Variants in EBF3 observed in about 807,000 individuals in gnomAD.
EBF3 encodes the protein transcription factor COE3.
Under a neutral mutation model 77.1 loss-of-function variants are expected in EBF3, and 18 were observed. The ratio of observed to expected loss-of-function variants is 0.23; its 90% CI spans 0.16 to 0.35. The LOEUF (loss-of-function observed/expected upper bound fraction) is 0.35. Among genes scored for constraint, EBF3 ranks in the 10% least tolerant of loss-of-function variants. The pLI is 1.00. For missense variants in EBF3, 558 were observed against 860.0 expected, an observed-to-expected ratio of 0.65 and a Z score of 4.39; for synonymous variants, 350 against 343.5, an observed-to-expected ratio of 1.02 and a Z score of -0.21.
intron 6 of EBF3, among the ~76,000 whole-genome samples, chr10:129,913,875 AAAGCT>A (rs996692653): frequency 1.3e-5 from 2 of 152,212 alleles, no homozygotes; most frequent in Non-Finnish European, 1.5e-5. Context: ...CTCTTCCCCA[AAAGCT>A]AAGCTGAGTG....
At chr10:129,867,313 G>A in intron 9 of EBF3, 46 bp from the exon 10 acceptor site, 1 of 1,609,254 alleles carries the variant, frequency 6.2e-7, no homozygotes, top group South Asian at 1.1e-5. Context: ...CGCTGGCTAT[G>A]AGAGGCGGAC....
intron 6 of EBF3, 130 bp from the exon 7 acceptor site, chr10:129,877,979 G>T: frequency 1.4e-6 from 1 of 691,742 alleles, no homozygotes; most frequent in Non-Finnish European, 2.4e-6. Flanking sequence ...CCTCTAGGGG[G>T]CGACATTGAG....
chr10:129,957,815 CTTCT>C lies in EBF3; in HGVS notation c.486-493_486-490del, dbSNP rs552686026. ...CATCTATCACAAACTTCTATTGTTC[CTTCT>C]TTAAGCCTACCTTAACTCTGTTATT... On this transcript the variant is annotated intron_variant, in intron 5 of 16. Transcript: ENST00000440978. Among the ~76,000 whole-genome samples the C allele has an allele frequency of 1.2e-4, 19 of 152,318 alleles. No homozygotes were observed. In the South Asian group the frequency reaches 2.5e-3, roughly 20 times the overall value.
intron 6 of EBF3, among the ~76,000 whole-genome samples, chr10:129,919,397 G>A (rs1043022859): frequency 1.3e-5 from 2 of 152,072 alleles, no homozygotes; most frequent in Admixed American, 6.5e-5. Context: ...GAATAAGGCT[G>A]GGGAAGGTGA....
intron 10 of EBF3, among the ~76,000 whole-genome samples, chr10:129,849,653 T>C (rs1406936980): frequency 6.6e-6 from 1 of 152,238 alleles, no homozygotes; most frequent in African/African-American, 2.4e-5. Flanking sequence ...CACTCAATAA[T>C]GCGCCCGAAA....
chr10:129,908,734 T>C (rs1184609272), intron 6 of EBF3, among the ~76,000 whole-genome samples: 2 of 152,240 alleles, frequency 1.3e-5, no homozygotes, highest in Admixed American at 1.3e-4. Context: ...ACAGGCCAGC[T>C]ATGCACACAT....
In EBF3 at chr10:129,841,590, C is replaced by T. The variant is rs183675138; in HGVS notation, c.1372+526G>A. Among the ~76,000 whole-genome samples, 9 of 152,256 alleles carry T rather than the reference C, an allele frequency of 5.9e-5. No individual in the cohort carries two copies. Among genetic ancestry groups the T allele is most frequent in the South Asian group, 2.1e-4 (1 of 4,822 alleles). On this transcript the variant is annotated intron_variant, in intron 13 of 16. Transcript: ENST00000440978. The surrounding 1 kb of genome is among the most constrained non-coding windows in gnomAD (Gnocchi z 4.6). ...GTGTTTTCTAAGATCACTGCCTGCG[C>T]GCTTTTCAATGAAGAAAACTAAAAT...
At chr10:129,896,738 A>G (rs757346783) in intron 6 of EBF3, among the ~76,000 whole-genome samples, 1 of 152,208 alleles carries the variant, frequency 6.6e-6, no homozygotes, top group Non-Finnish European at 1.5e-5. Flanking sequence ...GTCTCAGAGA[A>G]TGAGAAAAAT....
Position 129,943,915 on chromosome 10 carries a change from G to A in EBF3, c.554+13343C>T, listed in dbSNP as rs369550203. On this transcript the variant is annotated intron_variant, in intron 6 of 16. Coordinates refer to ENST00000440978, the MANE Select transcript of EBF3 (RefSeq NM_001375380.1). This position sits in a 1 kb window ranked among gnomAD's most constrained non-coding sequence, Gnocchi z 8.8. Reference sequence around the variant, plus strand: ...ACCCAGCTGAAACCGTAAAATGCTCGGTAAAACCAGTCGCTCTGAGGGTGC... The same window carrying A: ...ACCCAGCTGAAACCGTAAAATGCTCAGTAAAACCAGTCGCTCTGAGGGTGC... 4.5e-4 allele frequency among the ~76,000 whole-genome samples: 68 copies of A among 152,298 alleles called. No homozygotes were observed. The South Asian group carries it at 4.6e-3, about 10-fold the overall frequency.
chr10:129,962,422 C>A (rs1291179133), intron 3 of EBF3, among the ~76,000 whole-genome samples, 196 bp from the exon 4 acceptor site: 1 of 151,906 alleles, frequency 6.6e-6, no homozygotes, highest in Non-Finnish European at 1.5e-5. Context: ...TAACTAAGAA[C>A]CTTAAGGCTC....
intron 6 of EBF3, among the ~76,000 whole-genome samples, chr10:129,895,629 G>A (rs1374985542): frequency 1.3e-5 from 2 of 152,244 alleles, no homozygotes; most frequent in Non-Finnish European, 2.9e-5. Context: ...GAGGAGTCCT[G>A]AGGACCCTGG....
At chr10:129,928,695 A>C (rs764532409) in intron 6 of EBF3, among the ~76,000 whole-genome samples, 5 of 152,196 alleles carry the variant, frequency 3.3e-5, no homozygotes, top group Admixed American at 1.3e-4. Flanking sequence ...ACATTTTGGC[A>C]ATTGCTTCCT....
At chr10:129,874,156 GA>G (rs1472381298) in intron 7 of EBF3, among the ~76,000 whole-genome samples, 1 of 152,058 alleles carries the variant, frequency 6.6e-6, no homozygotes, top group Non-Finnish European at 1.5e-5. Flanking sequence ...TTTTTCATCT[GA>G]AAAGACTGAG....
chr10:129,852,282 A>C (rs1195472023), intron 10 of EBF3, among the ~76,000 whole-genome samples: 1 of 152,230 alleles, frequency 6.6e-6, no homozygotes, highest in Non-Finnish European at 1.5e-5. Flanking sequence ...CAGAAGAAGC[A>C]TTCTAAATAT....
chr10:129,954,419 CCCCT>C (rs1044137391), intron 6 of EBF3, among the ~76,000 whole-genome samples: 5 of 148,124 alleles, frequency 3.4e-5, no homozygotes, highest in Non-Finnish European at 7.4e-5. Context: ...ACTTCCCCCC[CCCCT>C]TTTTTTTTCT....
At chr10:129,925,896 A>T (rs572576207) in intron 6 of EBF3, among the ~76,000 whole-genome samples, 6 of 152,298 alleles carry the variant, frequency 3.9e-5, no homozygotes, top group Non-Finnish European at 8.8e-5. Context: ...AATCCAGGAC[A>T]GTTAGGAAAG....
chr10:129,937,582 C>T (rs566060158), intron 6 of EBF3, among the ~76,000 whole-genome samples: 9 of 152,336 alleles, frequency 5.9e-5, no homozygotes, highest in Non-Finnish European at 1.0e-4. Flanking sequence ...CAAGGGCTTA[C>T]GAGCTCAGCC....
chr10:129,843,963 T>A (rs370166946), intron 11 of EBF3, among the ~76,000 whole-genome samples: 7 of 152,346 alleles, frequency 4.6e-5, no homozygotes, highest in South Asian at 4.1e-4. Context: ...AGAGTTTAGT[T>A]AATTTTAAAT....
intron 11 of EBF3, among the ~76,000 whole-genome samples, chr10:129,843,910 G>A (rs575027746): frequency 2.6e-5 from 4 of 152,330 alleles, no homozygotes; most frequent in East Asian, 1.9e-4. Context: ...TCTTATCCAC[G>A]TCTGCACGCC....
Sources: gnomAD v4.1 joint callset for allele counts (sites outside exome capture counted in the v4.1 genomes callset) on GRCh38, gnomAD v4.1.1 for gene constraint, Gnocchi (gnomAD v3.1) non-coding constraint, MANE v1.5 for transcripts, NCBI Gene and HGNC (gene_info 2026-07-23, HGNC 2026-07-21) for gene names.